The following COL11A1 variants were observed in gnomAD, a reference collection of about 807,000 sequenced individuals.
COL11A1 encodes collagen alpha-1(XI) chain.
In COL11A1, 74 loss-of-function variants were observed where a neutral mutation model predicts 265.2. That is an observed-to-expected ratio of 0.28 (90% CI 0.23 to 0.34). COL11A1 has a LOEUF of 0.34. Ranked by LOEUF, COL11A1 falls within the 10% of genes least tolerant of loss-of-function variation. The pLI, the probability that COL11A1 is intolerant of heterozygous loss-of-function variation, is 1.00. For synonymous variants in COL11A1, 816 were observed against 727.6 expected (o/e 1.12, Z -1.96); for missense variants, 2,165 against 2,263.6 (o/e 0.96, Z 0.88).
intron 15 of COL11A1, 97 bp downstream of exon 15, chr1:103,008,366 G>T: frequency 1.0e-6 from 1 of 995,086 alleles, no homozygotes. Context: ...TACTACTCAG[G>T]AACAAAAAAA....
At chr1:103,049,314 T>C (rs1281139969) in intron 4 of COL11A1, among the ~76,000 whole-genome samples, 1 of 152,230 alleles carries the variant, frequency 6.6e-6, no homozygotes, top group African/African-American at 2.4e-5. Flanking sequence ...TTAGGATAGT[T>C]AGCTCTTCTT....
intron 24 of COL11A1, among the ~76,000 whole-genome samples, chr1:103,000,753 A>G (rs1185431495): frequency 1.3e-5 from 2 of 152,032 alleles, no homozygotes; most frequent in East Asian, 1.9e-4. Flanking sequence ...GCTTCTAAGT[A>G]TATACCAAAA....
At chr1:102,904,958 G>T (rs946935433) in intron 54 of COL11A1, among the ~76,000 whole-genome samples, 6 of 152,010 alleles carry the variant, frequency 3.9e-5, no homozygotes, top group Admixed American at 2.6e-4. Context: ...CAATAGCAAA[G>T]ACTTGGAACC....
At chr1:102,992,066 C>T (rs1176248933) in intron 28 of COL11A1, among the ~76,000 whole-genome samples, 1 of 152,048 alleles carries the variant, frequency 6.6e-6, no homozygotes, top group African/African-American at 2.4e-5. Context: ...CACTTATAGA[C>T]TCTGACTATA....
chr1:103,038,048 A>T (rs189851446), intron 4 of COL11A1, among the ~76,000 whole-genome samples: 8 of 152,308 alleles, frequency 5.3e-5, no homozygotes, highest in Admixed American at 5.2e-4. Flanking sequence ...TCTTGGAAAA[A>T]TCTTGATGAT....
chr1:103,072,885 CT>C (rs1222180189), intron 4 of COL11A1, among the ~76,000 whole-genome samples: 13 of 151,604 alleles, frequency 8.6e-5, no homozygotes, highest in Non-Finnish European at 1.8e-4. Flanking sequence ...CTACAGACTT[CT>C]AAATATTTTA....
chr1:103,064,420 G>A (rs1375687381), intron 4 of COL11A1, among the ~76,000 whole-genome samples: 2 of 152,284 alleles, frequency 1.3e-5, no homozygotes, highest in East Asian at 3.9e-4. Context: ...GCCAGGCGCG[G>A]TGGCTCATGC....
Position 103,014,419 on chromosome 1 carries a change from A to G in COL11A1, c.1572+92T>C, listed in dbSNP as rs573271340. ...CACAGTATTCGGAAGTAAATATTCT[A>G]TTAATAATGGTAGCATCTTCCGTAT... On this transcript the variant is annotated intron_variant, in intron 13 of 66. Coordinates refer to ENST00000370096, the MANE Select transcript of COL11A1 (RefSeq NM_001854.4). 552 of 1,052,908 alleles carry G rather than the reference A, an allele frequency of 5.2e-4. 7 individuals carry two copies. The South Asian group carries it at 6.4e-3, about 12-fold the overall frequency. The allele number at this position is 1,052,908 out of a possible 1,614,324, so 65.2% of individuals were successfully genotyped here.
intron 30 of COL11A1, among the ~76,000 whole-genome samples, chr1:102,986,336 TCTCA>T (rs1357894606): frequency 2.8e-5 from 4 of 145,032 alleles, no homozygotes; most frequent in African/African-American, 7.7e-5. Context: ...CACCGCATGT[TCTCA>T]CTCACAGGTG....
intron 4 of COL11A1, among the ~76,000 whole-genome samples, chr1:103,069,564 T>C (rs1010281695): frequency 1.3e-5 from 2 of 151,690 alleles, no homozygotes; most frequent in Non-Finnish European, 3.0e-5. Flanking sequence ...TTTATCAAAA[T>C]TAAAAGCATT....
intron 4 of COL11A1, among the ~76,000 whole-genome samples, chr1:103,065,131 T>A (rs889750833): frequency 6.6e-6 from 1 of 152,116 alleles, no homozygotes; most frequent in Non-Finnish European, 1.5e-5. Flanking sequence ...GAAGGTTATA[T>A]GTTGGGGTGG....
chr1:102,985,021 A>T (rs1293328508), intron 30 of COL11A1, among the ~76,000 whole-genome samples: 3 of 149,326 alleles, frequency 2.0e-5, no homozygotes, highest in African/African-American at 7.6e-5. Flanking sequence ...AACATTAATT[A>T]AAAAAAAACA....
chr1:102,928,254 C>T (rs1462486259), intron 46 of COL11A1, among the ~76,000 whole-genome samples: 1 of 151,628 alleles, frequency 6.6e-6, no homozygotes, highest in Admixed American at 6.6e-5. Flanking sequence ...TCCCCTCTCC[C>T]CCCACCCCAC....
At position 102,962,672 on chromosome 1, in the gene COL11A1, G is replaced by A; in HGVS notation, c.3005C>T (p.Ala1002Val). 6.2e-7 allele frequency: 1 copy of A among 1,614,044 alleles called. No individual in the cohort carries two copies. Among genetic ancestry groups the A allele is most frequent in the Non-Finnish European group, 8.5e-7 (1 of 1,179,972 alleles). Residue 1002 changes from alanine (A) to valine (V), a missense_variant, in exon 39 of 67, where the codon GCA (alanine) becomes GTA (valine). Coordinates refer to ENST00000370096, the MANE Select transcript of COL11A1 (RefSeq NM_001854.4). The part of the protein sequence containing the change: ...PPGEQGLPGA[A>V]GKEGAKGDPG... ...TTGTACCTTTGCACCTTCTTTTCCT[G>A]CAGCACCAGGAAGACCTTGCTCACC...
At chr1:103,085,104 T>A (rs538367581) in intron 1 of COL11A1, among the ~76,000 whole-genome samples, 2 of 152,220 alleles carry the variant, frequency 1.3e-5, no homozygotes, top group Non-Finnish European at 2.9e-5. Flanking sequence ...AAGGAGCATG[T>A]CCTCCCACCA....
intron 48 of COL11A1, 56 bp downstream of exon 48, chr1:102,921,462 A>C: frequency 7.2e-7 from 1 of 1,380,746 alleles, no homozygotes; most frequent in Non-Finnish European, 1.0e-6. Flanking sequence ...ATCTGCTATA[A>C]AATAACAATA....
At chr1:102,918,627 T>C (rs2101056287) in intron 49 of COL11A1, among the ~76,000 whole-genome samples, 1 of 151,962 alleles carries the variant, frequency 6.6e-6, no homozygotes, top group East Asian at 1.9e-4. Flanking sequence ...GTTAGAATTC[T>C]GCTTCTATCG....
At chr1:103,020,762 T>C (rs1666981482) in intron 9 of COL11A1, among the ~76,000 whole-genome samples, 1 of 126,012 alleles carries the variant, frequency 7.9e-6, no homozygotes. Flanking sequence ...GAATTGATTT[T>C]TGTATAAGGT....
chr1:102,886,082 A>C (rs1650936807), intron 63 of COL11A1, among the ~76,000 whole-genome samples: 2 of 152,316 alleles, frequency 1.3e-5, no homozygotes, highest in African/African-American at 2.4e-5. Flanking sequence ...GAGACAAAAT[A>C]GTTCAACATG....
Sources: gnomAD v4.1 joint callset for allele counts (sites outside exome capture counted in the v4.1 genomes callset) on GRCh38, gnomAD v4.1.1 for gene constraint, MANE v1.5 for transcripts, NCBI Gene and HGNC (gene_info 2026-07-23, HGNC 2026-07-21) for gene names.